The following JPH3 variants were observed in gnomAD, a reference collection of about 807,000 sequenced individuals.
JPH3 encodes the protein junctophilin-3.
Under a neutral mutation model 59.6 loss-of-function variants are expected in JPH3, and 11 were observed. The observed-to-expected ratio is 0.18, with a 90% confidence interval of 0.12 to 0.31. JPH3 has a LOEUF of 0.31. Among genes scored for constraint, JPH3 ranks in the 10% least tolerant of loss-of-function variants. The pLI is 1.00. For synonymous variants in JPH3, 673 were observed against 483.6 expected, an observed-to-expected ratio of 1.39 and a Z score of -5.14; for missense variants, 1,202 against 1,105.7, an observed-to-expected ratio of 1.09 and a Z score of -1.24.
intron 1 of JPH3, among the ~76,000 whole-genome samples, chr16:87,639,149 A>G (rs995287728): frequency 6.6e-6 from 1 of 152,162 alleles, no homozygotes; most frequent in Admixed American, 6.5e-5. Flanking sequence ...GTTACCATCA[A>G]TCGAGCATTA....
At position 87,644,322 on chromosome 16, in the gene JPH3, G is replaced by C. The variant is rs143803316; in HGVS notation, c.447G>C (p.Pro149=). 1.2e-6 allele frequency: 2 copies of C among 1,612,790 alleles called. No individual in the cohort carries two copies. The highest frequency in any genetic ancestry group is 2.7e-5 in the African/African-American group (2 of 74,946). The change falls in exon 2 of 5, where the codon CCG becomes CCC. Residue 149 remains proline (P), a synonymous_variant. Coordinates refer to ENST00000284262, the MANE Select transcript of JPH3 (RefSeq NM_020655.4). ...RQGYGVRQSV[P]YGMAAVIRSP... Reference sequence around the variant, plus strand: ...GCTACGGCGTCCGGCAGAGCGTCCCGTATGGCATGGCCGCGGTCATCCGCT... The same window carrying C: ...GCTACGGCGTCCGGCAGAGCGTCCCCTATGGCATGGCCGCGGTCATCCGCT...
intron 1 of JPH3, among the ~76,000 whole-genome samples, chr16:87,626,756 G>A (rs2031393292): frequency 1.3e-5 from 2 of 152,356 alleles, no homozygotes; most frequent in East Asian, 3.9e-4. Context: ...GCGGGAGCGG[G>A]TGCTGGCTGG....
rs1392608561 is a variant in JPH3, at chr16:87,690,237, A to G, written c.1877A>G (p.Gln626Arg). ...TTGCTGAGGATGGAGACGCATCCCCAGAAAAGACGCTACAGCAAGGGCGGC... is the reference window on the plus strand; with the variant it reads ...TTGCTGAGGATGGAGACGCATCCCCGGAAAAGACGCTACAGCAAGGGCGGC... ...KPLLRMETHP[Q>R]KRRYSKGGAC... Residue 626 changes from glutamine to arginine, a missense_variant, in exon 4 of 5, where the codon CAG (glutamine) becomes CGG (arginine). Physicochemically the swap from Gln to Arg is conservative, Grantham distance 43 (BLOSUM62 1). Coordinates refer to ENST00000284262, the MANE Select transcript of JPH3 (RefSeq NM_020655.4). The G allele has an allele frequency of 7.5e-6, 12 of 1,605,098 alleles. No homozygotes were observed. Among genetic ancestry groups the G allele is most frequent in the South Asian group, 2.2e-5 (2 of 89,686 alleles).
intron 1 of JPH3, chr16:87,604,288 C>G (rs745670280): frequency 1.1e-6 from 1 of 875,652 alleles, no homozygotes. Flanking sequence ...AGGGAGCTGC[C>G]TGCTGCTGCT....
chr16:87,685,626 C>T (rs778020359), intron 3 of JPH3, among the ~76,000 whole-genome samples: 3 of 152,250 alleles, frequency 2.0e-5, no homozygotes, highest in Non-Finnish European at 4.4e-5. Flanking sequence ...GAAGCCAGTG[C>T]CGTCGGGGGC....
chr16:87,689,564 G>C, intron 3 of JPH3, 82 bp from the exon 4 acceptor site: 1 of 1,461,254 alleles, frequency 6.8e-7, no homozygotes, highest in Non-Finnish European at 9.3e-7. Context: ...GGTTCCCTCT[G>C]GCGCCCTGGC....
intron 1 of JPH3, among the ~76,000 whole-genome samples, chr16:87,640,576 A>T (rs572079246): frequency 6.6e-6 from 1 of 151,924 alleles, no homozygotes; most frequent in South Asian, 2.1e-4. Flanking sequence ...TATTTTTAGT[A>T]GAGACAGGAT....
intron 4 of JPH3, chr16:87,695,584 A>G (rs1364360025): frequency 2.2e-6 from 1 of 455,880 alleles, no homozygotes; most frequent in Middle Eastern, 3.3e-4. Context: ...ACTGTGGGCA[A>G]GACTGGAGTG....
intron 4 of JPH3, among the ~76,000 whole-genome samples, chr16:87,692,880 G>A (rs2142842153): frequency 6.6e-6 from 1 of 152,326 alleles, no homozygotes; most frequent in East Asian, 1.9e-4. Flanking sequence ...GCTGGACTGT[G>A]GCAGAAGAGG....
intron 1 of JPH3, among the ~76,000 whole-genome samples, chr16:87,620,499 GGAA>G (rs1356450030): frequency 7.4e-6 from 1 of 136,020 alleles, no homozygotes; most frequent in Non-Finnish European, 1.6e-5. Flanking sequence ...GAGGGGGAGG[GGAA>G]GAAGGAGAAA....
At chr16:87,604,656 C>A (rs1004472810) in intron 1 of JPH3, 2 of 1,160,828 alleles carry the variant, frequency 1.7e-6, no homozygotes, top group Non-Finnish European at 2.2e-6. Context: ...CCCGCCCGCT[C>A]GCTGCCTCCG....
chr16:87,636,347 C>G (rs1283152254), intron 1 of JPH3, among the ~76,000 whole-genome samples: 4 of 152,186 alleles, frequency 2.6e-5, no homozygotes, highest in Non-Finnish European at 5.9e-5. Flanking sequence ...GGAACTGAGC[C>G]CAGACTTTTT....
At chr16:87,690,989 C>T (rs1305778789) in intron 4 of JPH3, among the ~76,000 whole-genome samples, 1 of 152,104 alleles carries the variant, frequency 6.6e-6, no homozygotes, top group Non-Finnish European at 1.5e-5. Context: ...GGGGGAGCTG[C>T]CAGTCCAGGT....
Position 87,638,002 on chromosome 16 carries a change from C to T in JPH3, c.383-6256C>T, listed in dbSNP as rs910070017. ...CACAATCTTGGCTCACTGCAGCAGC[C>T]TCTGCCTCCTGGGTTCAAGCAATTC... On this transcript the variant is annotated intron_variant, in intron 1 of 4. Transcript: ENST00000284262. Among the ~76,000 whole-genome samples the T allele has an allele frequency of 2.6e-5, 4 of 152,294 alleles. No homozygotes were observed. In the Middle Eastern group the frequency reaches 0.01, roughly 389 times the overall value.
chr16:87,637,860 C>T (rs754082821), intron 1 of JPH3, among the ~76,000 whole-genome samples: 2 of 152,068 alleles, frequency 1.3e-5, no homozygotes, highest in African/African-American at 2.4e-5. Flanking sequence ...GCACCCCGTG[C>T]GGGGGCTGCT....
intron 3 of JPH3, chr16:87,684,566 T>C (rs550387083): frequency 1.6e-4 from 60 of 386,708 alleles, no homozygotes; most frequent in African/African-American, 1.2e-3. Context: ...GCCCAGCCTG[T>C]GCTGTCTGCT....
In JPH3 at chr16:87,697,944, G is replaced by C. The variant is rs578027672; in HGVS notation, c.*1284G>C. 2 of 152,512 alleles carry C rather than the reference G, an allele frequency of 1.3e-5. No homozygotes were observed. Among genetic ancestry groups the C allele is most frequent in the Non-Finnish European group, 2.9e-5 (2 of 68,036 alleles). The allele number at this position is 152,512 out of a possible 1,614,324, so 9.4% of individuals were successfully genotyped here. A position where few individuals can be genotyped will look rare whatever the true frequency, so the allele number is the denominator to read the frequency against. On this transcript the variant is annotated 3_prime_UTR_variant, in exon 5 of 5. Coordinates refer to ENST00000284262, the MANE Select transcript of JPH3 (RefSeq NM_020655.4). ...GGACGTGCCTGAGGGGTCCGGGCACGGCCATACGCAGGACCCCTGTGCCCG... is the reference window on the plus strand; with the variant it reads ...GGACGTGCCTGAGGGGTCCGGGCACCGCCATACGCAGGACCCCTGTGCCCG...
At chr16:87,675,655 G>T (rs1352384803) in intron 2 of JPH3, among the ~76,000 whole-genome samples, 2 of 152,208 alleles carry the variant, frequency 1.3e-5, no homozygotes, top group African/African-American at 4.8e-5. Flanking sequence ...GCTTTCTAGA[G>T]TTTTGTCTGA....
chr16:87,693,700 C>T (rs983246250), intron 4 of JPH3: 1 of 152,402 alleles, frequency 6.6e-6, no homozygotes, highest in Non-Finnish European at 1.5e-5. Context: ...GCCAGTGTCT[C>T]TAGGGCCTGA....
Sources: gnomAD v4.1 joint callset for allele counts (sites outside exome capture counted in the v4.1 genomes callset) on GRCh38, gnomAD v4.1.1 for gene constraint, MANE v1.5 for transcripts, NCBI Gene and HGNC (gene_info 2026-07-23, HGNC 2026-07-21) for gene names.